The following ALK variants were observed in gnomAD, a reference collection of about 807,000 sequenced individuals.
ALK encodes ALK receptor tyrosine kinase.
Under a neutral mutation model 163.1 loss-of-function variants are expected in ALK, and 74 were observed. That is an observed-to-expected ratio of 0.45 (90% confidence interval 0.38 to 0.55). The LOEUF (loss-of-function observed/expected upper bound fraction) is 0.55, where lower values mean the gene tolerates loss of function less well. Ranked by LOEUF, ALK falls within the 20% of genes least tolerant of loss-of-function variation. The probability of loss-of-function intolerance (pLI) is 0.00; values close to 1 mark genes in which losing one functional copy is unlikely to be tolerated. For missense variants in ALK, 2,063 were observed against 2,105.3 expected (o/e 0.98, Z 0.39); for synonymous variants, 960 against 843.2 (o/e 1.14, Z -2.40).
intron 1 of ALK, among the ~76,000 whole-genome samples, chr2:29,769,302 T>A (rs1386796682): frequency 6.6e-6 from 1 of 152,170 alleles, no homozygotes; most frequent in Non-Finnish European, 1.5e-5. Context: ...TTCCCATCAG[T>A]CTGTAGAATG....
rs55782189 is a variant in ALK at position 29,193,839 on chromosome 2, C to T, written c.4248G>A (p.Lys1416=). Residue 1416 remains lysine (K), a synonymous_variant, in exon 29 of 29, where the codon AAG becomes AAA. Transcript: ENST00000389048. ...GGAGAGGAGGAACCCCCTCAGGGTC[C>T]TTGGGCCTCACAGGCACTTTCTCTT... The part of the protein sequence containing the change: ...EEEEKVPVRP[K]DPEGVPPLLV... 2.0e-5 allele frequency: 32 copies of T among 1,612,502 alleles called. No homozygotes were observed. The highest frequency in any genetic ancestry group is 2.7e-5 in the Non-Finnish European group (32 of 1,179,340).
chr2:29,899,400 C>G (rs1667351397), intron 1 of ALK, among the ~76,000 whole-genome samples: 1 of 152,220 alleles, frequency 6.6e-6, no homozygotes. Context: ...CCACCCATCA[C>G]CCTGGGGGCG....
intron 28 of ALK, among the ~76,000 whole-genome samples, chr2:29,196,007 C>G (rs1369244503): frequency 6.6e-6 from 1 of 152,070 alleles, no homozygotes; most frequent in African/African-American, 2.4e-5. Context: ...AGGGCATTCT[C>G]TTATGATGAT....
At chr2:29,454,936 C>T (rs1225867139) in intron 4 of ALK, among the ~76,000 whole-genome samples, 3 of 152,124 alleles carry the variant, frequency 2.0e-5, no homozygotes, top group East Asian at 1.9e-4. Context: ...GTTTCATGTA[C>T]CTGCTTCACA....
intron 3 of ALK, among the ~76,000 whole-genome samples, chr2:29,602,279 T>C (rs897136388): frequency 5.9e-5 from 9 of 151,906 alleles, no homozygotes; most frequent in Admixed American, 2.6e-4. Context: ...ATATTCAGGA[T>C]CCAACATGGA....
chr2:29,766,016 C>T (rs1411687512), intron 1 of ALK, among the ~76,000 whole-genome samples: 1 of 152,162 alleles, frequency 6.6e-6, no homozygotes, highest in Non-Finnish European at 1.5e-5. Context: ...CTTTGTCTTG[C>T]TTTGTAACAC....
At chr2:29,558,633 A>T (rs950045740) in intron 3 of ALK, among the ~76,000 whole-genome samples, 1 of 151,892 alleles carries the variant, frequency 6.6e-6, no homozygotes, top group South Asian at 2.1e-4. Flanking sequence ...CTCCTCTGGG[A>T]TGACTTTTCC....
intron 1 of ALK, among the ~76,000 whole-genome samples, chr2:29,814,277 C>T (rs184391414): frequency 2.4e-4 from 37 of 152,182 alleles, no homozygotes; most frequent in Non-Finnish European, 4.1e-4. Flanking sequence ...ATCCAGACAG[C>T]CCAGTGGTGA....
At chr2:29,337,728 C>G (rs1667663480) in intron 5 of ALK, among the ~76,000 whole-genome samples, 1 of 152,130 alleles carries the variant, frequency 6.6e-6, no homozygotes, top group Admixed American at 6.6e-5. Context: ...CTCACCACCC[C>G]CACCGTCTCA....
At chr2:29,321,897 T>C (rs1011971184) in intron 6 of ALK, among the ~76,000 whole-genome samples, 2 of 152,220 alleles carry the variant, frequency 1.3e-5, no homozygotes, top group South Asian at 2.1e-4. Flanking sequence ...TCAGGTCCTA[T>C]TGAAGAGGTG....
intron 5 of ALK, among the ~76,000 whole-genome samples, chr2:29,377,086 T>C (rs1668770248): frequency 6.6e-6 from 1 of 152,252 alleles, no homozygotes; most frequent in Non-Finnish European, 1.5e-5. Flanking sequence ...TGCTAAGCCC[T>C]AATTTTTTAA....
chr2:29,221,503 T>C (rs189923547), intron 22 of ALK, among the ~76,000 whole-genome samples: 21 of 152,222 alleles, frequency 1.4e-4, no homozygotes, highest in African/African-American at 5.1e-4. Context: ...TAATAATGGT[T>C]AGTTACCACC....
chr2:29,890,301 G>A (rs747443993), intron 1 of ALK: 2 of 140,928 alleles, frequency 1.4e-5, no homozygotes, highest in African/African-American at 2.6e-5. Context: ...TGAAACAGTG[G>A]AAGTTTCCAG....
intron 1 of ALK, among the ~76,000 whole-genome samples, chr2:29,745,386 C>A (rs974114174): frequency 4.6e-5 from 7 of 152,292 alleles, no homozygotes; most frequent in African/African-American, 1.7e-4. Flanking sequence ...TGGTACAACA[C>A]CCCTGAAAAT....
chr2:29,378,270 C>T (rs1226898719), intron 5 of ALK, among the ~76,000 whole-genome samples: 1 of 152,186 alleles, frequency 6.6e-6, no homozygotes, highest in Non-Finnish European at 1.5e-5. Context: ...AGGCAGAAAG[C>T]ACCTTGGGCT....
intron 1 of ALK, among the ~76,000 whole-genome samples, chr2:29,755,832 C>T (rs754638703): frequency 1.1e-4 from 16 of 152,272 alleles, no homozygotes; most frequent in Non-Finnish European, 1.9e-4. Context: ...AGAGTCGCAG[C>T]ACCTCAAGCA....
intron 1 of ALK, among the ~76,000 whole-genome samples, chr2:29,918,413 A>C (rs1263464364): frequency 6.6e-6 from 1 of 152,274 alleles, no homozygotes; most frequent in Non-Finnish European, 1.5e-5. Flanking sequence ...CCACAATGAC[A>C]TTAAAGCCCA....
At chr2:29,720,390 A>T (rs1008715967) in intron 1 of ALK, among the ~76,000 whole-genome samples, 3 of 152,138 alleles carry the variant, frequency 2.0e-5, no homozygotes, top group Non-Finnish European at 4.4e-5. Flanking sequence ...GGTTGAAAAA[A>T]AGCAGAAAGT....
At chr2:29,676,453 C>G (rs752850050) in intron 3 of ALK, among the ~76,000 whole-genome samples, 1 of 152,028 alleles carries the variant, frequency 6.6e-6, no homozygotes. Flanking sequence ...GCACCTTTGT[C>G]AAAAGTCAGT....
Sources: allele counts gnomAD v4.1 joint callset (sites outside exome capture counted in the v4.1 genomes callset), GRCh38; gene constraint gnomAD v4.1.1; transcripts MANE v1.5; gene names NCBI Gene and HGNC (gene_info 2026-07-23, HGNC 2026-07-21).